Variants in NR2F1-AS1 observed in about 807,000 individuals in gnomAD.
NR2F1-AS1 encodes the protein NR2F1 antisense RNA 1.
intron 4 of NR2F1-AS1, among the ~76,000 whole-genome samples, chr5:93,469,344 T>C (rs963957716): frequency 6.6e-6 from 1 of 152,098 alleles, no homozygotes; most frequent in Non-Finnish European, 1.5e-5. Flanking sequence ...TGTATCTAAA[T>C]ATATCTAAAC....
intron 4 of NR2F1-AS1, among the ~76,000 whole-genome samples, chr5:93,466,313 T>A (rs2149867067): frequency 6.6e-6 from 1 of 151,852 alleles, no homozygotes; most frequent in Admixed American, 6.6e-5. Flanking sequence ...TTTAATCACA[T>A]ACTGCCCTCA....
At chr5:93,567,348 A>T (rs890263120) in intron 1 of NR2F1-AS1, among the ~76,000 whole-genome samples, 2 of 152,178 alleles carry the variant, frequency 1.3e-5, no homozygotes, top group Non-Finnish European at 2.9e-5. Context: ...AATTCAAGGA[A>T]ATTTTCAATT....
rs573226200 is a variant in NR2F1-AS1 at position 93,454,148 on chromosome 5, G to C, written n.639-58606C>G. 2.6e-5 allele frequency among the ~76,000 whole-genome samples: 4 copies of C among 152,138 alleles called. No homozygotes were observed. The East Asian group carries it at 7.8e-4, about 29-fold the overall frequency. ...TTTAAAAAATTAGCTAGGCATTGTG[G>C]CATGTGACTGTAGTCCCAGCTACTC... On this transcript the variant is annotated intron_variant and non_coding_transcript_variant, in intron 4 of 5. Coordinates refer to ENST00000660523, the Ensembl canonical transcript of NR2F1-AS1.
intron 4 of NR2F1-AS1, among the ~76,000 whole-genome samples, chr5:93,520,044 T>C (rs1279193253): frequency 2.0e-5 from 3 of 152,026 alleles, no homozygotes. Context: ...CAAATTCACA[T>C]TCACTACTAT....
rs552252925 is a variant in NR2F1-AS1, at chr5:93,545,354, C to G, written n.638+8407G>C. On this transcript the variant is annotated intron_variant and non_coding_transcript_variant, in intron 4 of 5. Coordinates refer to ENST00000660523, the Ensembl canonical transcript of NR2F1-AS1. ...GTACTGGTGACCTACCCCCAGTCCCCCACAATCCCATCACCCTACAAAGTG... is the reference window on the plus strand; with the variant it reads ...GTACTGGTGACCTACCCCCAGTCCCGCACAATCCCATCACCCTACAAAGTG... Among the ~76,000 whole-genome samples, 3 of 152,288 alleles carry G rather than the reference C, an allele frequency of 2.0e-5. No individual in the cohort carries two copies. In the South Asian group the frequency reaches 6.2e-4, roughly 32 times the overall value.
chr5:93,496,224 A>G (rs994275443), intron 4 of NR2F1-AS1: 1 of 152,198 alleles, frequency 6.6e-6, no homozygotes, highest in Non-Finnish European at 1.5e-5. Context: ...CTTTGTCTGT[A>G]TGTAAATAAT....
intron 4 of NR2F1-AS1, among the ~76,000 whole-genome samples, chr5:93,481,877 A>G (rs1216753096): frequency 6.6e-6 from 1 of 152,142 alleles, no homozygotes; most frequent in African/African-American, 2.4e-5. Context: ...TGAAAGCACA[A>G]CATACCAAAA....
intron 4 of NR2F1-AS1, among the ~76,000 whole-genome samples, chr5:93,532,974 T>C (rs1751765136): frequency 6.6e-6 from 1 of 152,242 alleles, no homozygotes; most frequent in African/African-American, 2.4e-5. Context: ...TACACTGTCC[T>C]AGATCCTGCT....
intron 4 of NR2F1-AS1, among the ~76,000 whole-genome samples, chr5:93,506,365 A>G (rs1751186080): frequency 6.6e-6 from 1 of 152,212 alleles, no homozygotes; most frequent in South Asian, 2.1e-4. Context: ...AACTGTTCCA[A>G]TCTCTGCCTG....
At chr5:93,565,351 A>G (rs1752594130) in intron 1 of NR2F1-AS1, among the ~76,000 whole-genome samples, 1 of 152,202 alleles carries the variant, frequency 6.6e-6, no homozygotes, top group Non-Finnish European at 1.5e-5. Context: ...GTCATAGGTG[A>G]TAAGATTAAA....
At chr5:93,536,248 C>T (rs1044455309) in intron 4 of NR2F1-AS1, among the ~76,000 whole-genome samples, 5 of 151,886 alleles carry the variant, frequency 3.3e-5, no homozygotes, top group Non-Finnish European at 7.4e-5. Flanking sequence ...GTGAAAGATC[C>T]CTACACTGCA....
At chr5:93,577,140 T>C (rs567753053) in intron 1 of NR2F1-AS1, among the ~76,000 whole-genome samples, 2 of 152,398 alleles carry the variant, frequency 1.3e-5, no homozygotes, top group East Asian at 3.9e-4. Flanking sequence ...CTTGCTCTCC[T>C]GCCGTCCTTC....
At chr5:93,564,296 C>A (rs1186461557) in intron 1 of NR2F1-AS1, among the ~76,000 whole-genome samples, 1 of 151,940 alleles carries the variant, frequency 6.6e-6, no homozygotes, top group African/African-American at 2.4e-5. Flanking sequence ...ACTTTTTGAT[C>A]TTGAAGCAAC....
At chr5:93,544,980 A>T (rs1406967253) in intron 4 of NR2F1-AS1, 1 of 151,772 alleles carries the variant, frequency 6.6e-6, no homozygotes, top group Non-Finnish European at 1.5e-5. Flanking sequence ...AACATCAATG[A>T]TATCAGAAAT....
chr5:93,434,368 G>C (rs1428333775), intron 4 of NR2F1-AS1, among the ~76,000 whole-genome samples: 1 of 152,072 alleles, frequency 6.6e-6, no homozygotes, highest in African/African-American at 2.4e-5. Context: ...TTACAGAAGA[G>C]TTTCAGGCAT....
At position 93,436,182 on chromosome 5, in the gene NR2F1-AS1, C is replaced by A. The variant is rs1342833172; in HGVS notation, n.639-40640G>T. Among the ~76,000 whole-genome samples the A allele has an allele frequency of 3.3e-5, 5 of 152,266 alleles. No homozygotes were observed. The East Asian group carries it at 9.6e-4, about 29-fold the overall frequency. ...ATTGTAACACTCACCATTTGCTTTT[C>A]CCAAGTGTTTTAAAAAACAAACAGA... On this transcript the variant is annotated intron_variant and non_coding_transcript_variant, in intron 4 of 5. Transcript: ENST00000660523.
chr5:93,573,376 A>G (rs953170528), intron 1 of NR2F1-AS1, among the ~76,000 whole-genome samples: 1 of 152,150 alleles, frequency 6.6e-6, no homozygotes, highest in Non-Finnish European at 1.5e-5. Flanking sequence ...AGCGTTTAGG[A>G]CAAAGGGGAT....
intron 4 of NR2F1-AS1, among the ~76,000 whole-genome samples, chr5:93,531,683 C>T (rs1751739385): frequency 6.6e-6 from 1 of 152,034 alleles, no homozygotes; most frequent in Non-Finnish European, 1.5e-5. Context: ...TTTCCAGTGC[C>T]TCACATCTTT....
chr5:93,452,176 A>C (rs1749845119), intron 4 of NR2F1-AS1, among the ~76,000 whole-genome samples: 1 of 151,392 alleles, frequency 6.6e-6, no homozygotes, highest in Non-Finnish European at 1.5e-5. Flanking sequence ...GCAGAAGTAC[A>C]AAAAAAAACA....
Sources: allele counts gnomAD v4.1 joint callset (sites outside exome capture counted in the v4.1 genomes callset), GRCh38; gene constraint gnomAD v4.1.1; transcripts MANE v1.5; gene names NCBI Gene and HGNC (gene_info 2026-07-23, HGNC 2026-07-21).